The following PLAAT5 variants were observed in gnomAD, a reference collection of about 807,000 sequenced individuals.
PLAAT5 encodes phospholipase A and acyltransferase 5.
Under a neutral mutation model 27.8 loss-of-function variants are expected in PLAAT5, and 27 were observed. That is an observed-to-expected ratio of 0.97 (90% confidence interval 0.72 to 1.34). PLAAT5 has a LOEUF of 1.34. Ranked by LOEUF, PLAAT5 falls within the 40% of genes most tolerant of loss-of-function variation. The pLI, the probability that PLAAT5 is intolerant of heterozygous loss-of-function variation, is 0.00. For missense variants in PLAAT5, 368 were observed against 343.8 expected, an observed-to-expected ratio of 1.07 and a Z score of -0.56; for synonymous variants, 125 against 136.1, an observed-to-expected ratio of 0.92 and a Z score of 0.57.
At chr11:63,480,091 C>T (rs1463283212) in intron 3 of PLAAT5, among the ~76,000 whole-genome samples, 1 of 152,222 alleles carries the variant, frequency 6.6e-6, no homozygotes, top group Non-Finnish European at 1.5e-5. Context: ...TGGACGGTCA[C>T]GTCTGTTCTT....
intron 3 of PLAAT5, among the ~76,000 whole-genome samples, chr11:63,468,753 C>T (rs2015933222): frequency 6.6e-6 from 1 of 152,224 alleles, no homozygotes; most frequent in Non-Finnish European, 1.5e-5. Context: ...GATGACTAAA[C>T]TTGTTTTAAG....
At chr11:63,479,378 A>C (rs569813676) in intron 3 of PLAAT5, among the ~76,000 whole-genome samples, 2 of 152,252 alleles carry the variant, frequency 1.3e-5, no homozygotes, top group Non-Finnish European at 2.9e-5. Context: ...ATGGCAAAGG[A>C]TCAGAGAAAC....
intron 3 of PLAAT5, among the ~76,000 whole-genome samples, chr11:63,482,752 C>T (rs2120314299): frequency 6.6e-6 from 1 of 152,182 alleles, no homozygotes; most frequent in South Asian, 2.1e-4. Flanking sequence ...AAAACAGCAC[C>T]TCACATCTCA....
rs1039811365 is a variant in PLAAT5 at position 63,491,117 on chromosome 11, C to T, written c.-83G>A. 1.7e-5 allele frequency: 20 copies of T among 1,211,596 alleles called. No individual in the cohort carries two copies. The Admixed American group carries it at 6.8e-4, about 41-fold the overall frequency. The allele number at this position is 1,211,596 out of a possible 1,614,324, so 75.1% of individuals were successfully genotyped here. ...GTTCCCAGTCGGCGCGGCCCCTGGTCGGCGGAGCCGCGGAAGCTTGGGCAC... is the reference window on the plus strand; with the variant it reads ...GTTCCCAGTCGGCGCGGCCCCTGGTTGGCGGAGCCGCGGAAGCTTGGGCAC... On this transcript the variant is annotated 5_prime_UTR_variant, in exon 1 of 6. Coordinates refer to ENST00000540857, the MANE Select transcript of PLAAT5 (RefSeq NM_001146729.2).
chr11:63,477,664 AG>A (rs1219606479), intron 3 of PLAAT5, among the ~76,000 whole-genome samples: 3 of 151,990 alleles, frequency 2.0e-5, no homozygotes, highest in Non-Finnish European at 4.4e-5. Flanking sequence ...TAGTAGAGAC[AG>A]GGTTTCACCA....
intron 3 of PLAAT5, among the ~76,000 whole-genome samples, chr11:63,480,052 G>GTGGAGGA (rs1292492325): frequency 6.6e-6 from 1 of 152,160 alleles, no homozygotes; most frequent in East Asian, 1.9e-4. Flanking sequence ...CTAGTGGAGG[G>GTGGAGGA]CAGGGCTCTC....
At position 63,488,857 on chromosome 11, in the gene PLAAT5, C is replaced by G. The variant is rs1469648641; in HGVS notation, c.345+14G>C. On this transcript the variant is annotated intron_variant, in intron 3 of 5. Transcript: ENST00000540857. ...GTTAAAGATAGTCACTTTGAGAATTCTTGTTACACCTACCTCAGCTGCTTG... is the reference window on the plus strand; with the variant it reads ...GTTAAAGATAGTCACTTTGAGAATTGTTGTTACACCTACCTCAGCTGCTTG... 1.3e-6 allele frequency: 2 copies of G among 1,575,762 alleles called. No individual in the cohort carries two copies. Among genetic ancestry groups the G allele is most frequent in the South Asian group, 2.2e-5 (2 of 90,116 alleles).
rs775962854 is a variant in PLAAT5, at chr11:63,463,540, A to G, written c.773T>C (p.Val258Ala). 2 of 1,613,846 alleles carry G rather than the reference A, an allele frequency of 1.2e-6. No individual in the cohort carries two copies. The highest frequency in any genetic ancestry group is 1.7e-6 in the Non-Finnish European group (2 of 1,179,982). Residue 258 changes from valine (V) to alanine (A), a missense_variant, in exon 6 of 6, where the codon GTA becomes GCA. Coordinates refer to ENST00000540857, the MANE Select transcript of PLAAT5 (RefSeq NM_001146729.2). The stretch of plus-strand genomic sequence containing the variant: ...TGGTTTGGGCTTTATGCTATCCACT[A>G]CAGCTGAAATAACTGCTCCAGCAGC... Reference protein sequence around the residue: ...AKAAGAVISAVVDSIKPKPIT... With the variant: ...AKAAGAVISAAVDSIKPKPIT...
intron 3 of PLAAT5, among the ~76,000 whole-genome samples, chr11:63,477,630 C>T (rs1233609616): frequency 6.6e-6 from 1 of 152,090 alleles, no homozygotes; most frequent in African/African-American, 2.4e-5. Context: ...TGCCTGCCAC[C>T]ATGCACAGCT....
intron 2 of PLAAT5, 139 bp downstream of exon 2, chr11:63,490,104 C>A (rs778300239): frequency 8.0e-6 from 9 of 1,122,818 alleles, no homozygotes; most frequent in Non-Finnish European, 1.2e-5. Context: ...CAGGATCACA[C>A]CAGCCTTCCC....
At chr11:63,464,320 A>T (rs147944554) in intron 5 of PLAAT5, among the ~76,000 whole-genome samples, 2 of 152,306 alleles carry the variant, frequency 1.3e-5, no homozygotes, top group East Asian at 3.9e-4. Context: ...AAAATAGAAT[A>T]ATTATGTTCT....
At chr11:63,480,528 TC>T (rs1450793150) in intron 3 of PLAAT5, among the ~76,000 whole-genome samples, 1 of 152,244 alleles carries the variant, frequency 6.6e-6, no homozygotes, top group East Asian at 1.9e-4. Flanking sequence ...TTAACAGTTA[TC>T]CACTCTCTTG....
chr11:63,484,377 G>A lies in PLAAT5; in HGVS notation c.345+4494C>T, dbSNP rs145672564. Among the ~76,000 whole-genome samples, 411 of 151,274 alleles carry A rather than the reference G, an allele frequency of 2.7e-3. 6 individuals carry two copies. Among genetic ancestry groups the A allele is most frequent in the African/African-American group, 8.1e-3 (335 of 41,350 alleles). ...ACAGACCAATATCCCTGATGAACAC[G>A]GATGCAAAAATCCTCAACAAAATAC... On this transcript the variant is annotated intron_variant, in intron 3 of 5. Coordinates refer to ENST00000540857, the MANE Select transcript of PLAAT5 (RefSeq NM_001146729.2).
intron 3 of PLAAT5, among the ~76,000 whole-genome samples, chr11:63,471,533 A>G (rs1412186965): frequency 6.6e-6 from 1 of 152,218 alleles, no homozygotes; most frequent in Non-Finnish European, 1.5e-5. Flanking sequence ...ATTTATGACC[A>G]TTTCCATGGA....
At chr11:63,487,249 C>G (rs746816011) in intron 3 of PLAAT5, among the ~76,000 whole-genome samples, 1 of 151,950 alleles carries the variant, frequency 6.6e-6, no homozygotes, top group Non-Finnish European at 1.5e-5. Context: ...AACATACAAA[C>G]CAATAGGAAA....
chr11:63,470,413 C>A, intron 3 of PLAAT5: 1 of 161,542 alleles, frequency 6.2e-6, no homozygotes. Flanking sequence ...GAGATTCATA[C>A]TGGAGAGAAA....
intron 3 of PLAAT5, among the ~76,000 whole-genome samples, chr11:63,473,753 C>T (rs911738207): frequency 1.4e-5 from 2 of 146,298 alleles, no homozygotes; most frequent in African/African-American, 5.1e-5. Flanking sequence ...AACTCTGTTG[C>T]CCAGGCTGGA....
At chr11:63,487,723 T>C (rs994187300) in intron 3 of PLAAT5, among the ~76,000 whole-genome samples, 1 of 152,200 alleles carries the variant, frequency 6.6e-6, no homozygotes, top group African/African-American at 2.4e-5. Flanking sequence ...CAAAAACTAG[T>C]AACAACTCAA....
At chr11:63,479,594 G>A (rs2016236276) in intron 3 of PLAAT5, among the ~76,000 whole-genome samples, 1 of 152,180 alleles carries the variant, frequency 6.6e-6, no homozygotes, top group Non-Finnish European at 1.5e-5. Flanking sequence ...GAGAGAGGAA[G>A]AGAAGTTATT....
Sources: gnomAD v4.1 joint callset for allele counts (sites outside exome capture counted in the v4.1 genomes callset) on GRCh38, gnomAD v4.1.1 for gene constraint, MANE v1.5 for transcripts, NCBI Gene and HGNC (gene_info 2026-07-23, HGNC 2026-07-21) for gene names.